CAMK2D: variants seen among roughly 807,000 people sequenced by gnomAD.
CAMK2D encodes the protein calcium/calmodulin dependent protein kinase II delta.
A neutral mutation model predicts 84.0 loss-of-function variants in CAMK2D; 37 were observed. That is an observed-to-expected ratio of 0.44 (90% confidence interval 0.34 to 0.58). The LOEUF (loss-of-function observed/expected upper bound fraction) is 0.58, where lower values mean the gene tolerates loss of function less well. Ranked by LOEUF, CAMK2D falls within the 20% of genes least tolerant of loss-of-function variation. The pLI is 0.02. For synonymous variants in CAMK2D, 202 were observed against 212.5 expected, an observed-to-expected ratio of 0.95 and a Z score of 0.43; for missense variants, 448 against 652.5, an observed-to-expected ratio of 0.69 and a Z score of 3.41.
At chr4:113,639,070 T>G (rs1181488084) in intron 3 of CAMK2D, among the ~76,000 whole-genome samples, 1 of 148,154 alleles carries the variant, frequency 6.7e-6, no homozygotes, top group South Asian at 2.1e-4. Context: ...TAGCGAAACT[T>G]TGCCTCTACC....
chr4:113,614,648 G>A (rs908124771), intron 3 of CAMK2D, among the ~76,000 whole-genome samples: 13 of 152,130 alleles, frequency 8.5e-5, no homozygotes, highest in Admixed American at 6.6e-4. Context: ...CTCAGCTACA[G>A]TAGAGCACCC....
In CAMK2D at chr4:113,527,723, A is replaced by T. The variant is rs571292379; in HGVS notation, c.601+3493T>A. On this transcript the variant is annotated intron_variant, in intron 8 of 20. Transcript: ENST00000511664. The stretch of plus-strand genomic sequence containing the variant: ...ACACCAATAAAACTTATACATTATA[A>T]AAAAAGGTTTTAAATTTTCAAAAAA... Among the ~76,000 whole-genome samples the T allele has an allele frequency of 6.6e-5, 10 of 152,246 alleles. No homozygotes were observed. In the East Asian group the frequency reaches 1.7e-3, roughly 26 times the overall value.
At chr4:113,509,799 G>C in intron 12 of CAMK2D, 124 bp from the exon 13 acceptor site, 1 of 686,752 alleles carries the variant, frequency 1.5e-6, no homozygotes, top group Non-Finnish European at 2.6e-6. Context: ...CATATGGCAA[G>C]TTATCAAAGT....
intron 2 of CAMK2D, among the ~76,000 whole-genome samples, chr4:113,718,612 C>T (rs2099520844): frequency 1.3e-5 from 2 of 152,200 alleles, no homozygotes; most frequent in South Asian, 4.1e-4. Flanking sequence ...GTTAGTCCTG[C>T]AAAGGCACTC....
In CAMK2D at chr4:113,533,716, C is replaced by T. The variant is rs183349509; in HGVS notation, c.518-2417G>A. Among the ~76,000 whole-genome samples the T allele has an allele frequency of 2.0e-4, 31 of 151,384 alleles. No homozygotes were observed. In the East Asian group the frequency reaches 5.6e-3, roughly 27 times the overall value. On this transcript the variant is annotated intron_variant, in intron 7 of 20. Transcript: ENST00000511664. ...AGAAATGTATTGCAAATAACATGTC[C>T]AGTTCCATAAGAGAAACAGAATATA... is the stretch of plus-strand genomic sequence containing the variant.
At chr4:113,548,839 T>A in intron 5 of CAMK2D, 1 of 570,512 alleles carries the variant, frequency 1.8e-6, no homozygotes, top group East Asian at 3.2e-5. Context: ...CAAACAAAAA[T>A]TATATTTCTT....
intron 3 of CAMK2D, among the ~76,000 whole-genome samples, chr4:113,643,490 C>T (rs949120337): frequency 6.6e-6 from 1 of 152,198 alleles, no homozygotes; most frequent in African/African-American, 2.4e-5. Context: ...GCTAAGCCAG[C>T]TGTATCAATC....
intron 8 of CAMK2D, among the ~76,000 whole-genome samples, chr4:113,518,538 C>T (rs563600138): frequency 6.6e-5 from 10 of 152,250 alleles, no homozygotes; most frequent in South Asian, 2.1e-4. Context: ...CCACTTTTCA[C>T]GTATTTTATT....
chr4:113,484,973 C>T (rs1006163058), intron 16 of CAMK2D, among the ~76,000 whole-genome samples: 2 of 151,974 alleles, frequency 1.3e-5, no homozygotes, highest in Admixed American at 6.6e-5. Flanking sequence ...TAAATGCATA[C>T]GATATAATAT....
At chr4:113,547,774 T>A in intron 5 of CAMK2D, 58 bp from the exon 6 acceptor site, 1 of 1,129,852 alleles carries the variant, frequency 8.9e-7, no homozygotes, top group Non-Finnish European at 1.3e-6. Flanking sequence ...ACTGTCTGTA[T>A]ACCCTCAGAG....
At chr4:113,486,419 T>G (rs1036584431) in intron 16 of CAMK2D, among the ~76,000 whole-genome samples, 8 of 152,160 alleles carry the variant, frequency 5.3e-5, no homozygotes, top group Admixed American at 3.9e-4. Flanking sequence ...GCCACTGGGC[T>G]TGGGTGATTA....
intron 4 of CAMK2D, among the ~76,000 whole-genome samples, chr4:113,569,191 T>C (rs1375390418): frequency 1.3e-5 from 2 of 152,170 alleles, no homozygotes; most frequent in Non-Finnish European, 2.9e-5. Flanking sequence ...CCCATATTTT[T>C]ACTCTCTTGA....
chr4:113,466,064 C>T lies in CAMK2D; in HGVS notation c.1136-460G>A, dbSNP rs187733447. Among the ~76,000 whole-genome samples the T allele has an allele frequency of 2.8e-4, 42 of 151,806 alleles. 1 individual carries two copies. The East Asian group carries it at 7.6e-3, about 27-fold the overall frequency. Reference sequence around the variant, plus strand: ...GTCAGGAGTTCAAGACCAGCCTGACCCACACGGAGAAACTTCATCTCTACT... The same window carrying T: ...GTCAGGAGTTCAAGACCAGCCTGACTCACACGGAGAAACTTCATCTCTACT... On this transcript the variant is annotated intron_variant, in intron 16 of 20. Transcript: ENST00000511664.
At chr4:113,558,536 G>A (rs940456477) in intron 4 of CAMK2D, among the ~76,000 whole-genome samples, 1 of 148,376 alleles carries the variant, frequency 6.7e-6, no homozygotes, top group Non-Finnish European at 1.5e-5. Flanking sequence ...TAGGTTATAG[G>A]CAAATACAGT....
intron 2 of CAMK2D, among the ~76,000 whole-genome samples, chr4:113,749,730 T>C (rs956764248): frequency 3.9e-5 from 6 of 152,084 alleles, no homozygotes; most frequent in African/African-American, 1.4e-4. Flanking sequence ...ATACATGGTT[T>C]AAAAAAAGAG....
chr4:113,621,325 A>T (rs189822336), intron 3 of CAMK2D, among the ~76,000 whole-genome samples: 318 of 152,310 alleles, frequency 2.1e-3, no homozygotes, highest in Admixed American at 4.1e-3. Flanking sequence ...ACTGTAAAAA[A>T]TGAATAAAGA....
chr4:113,527,448 C>T (rs1193756179), intron 8 of CAMK2D, among the ~76,000 whole-genome samples: 2 of 151,954 alleles, frequency 1.3e-5, no homozygotes, highest in Admixed American at 1.3e-4. Flanking sequence ...AGACATAATG[C>T]TATCGTATAC....
chr4:113,465,404 A>C, intron 17 of CAMK2D, 125 bp downstream of exon 17: 1 of 633,580 alleles, frequency 1.6e-6, no homozygotes, highest in Non-Finnish European at 2.7e-6. Flanking sequence ...TTATGAAATA[A>C]AACTATTGTT....
At chr4:113,757,731 T>C (rs767456802) in intron 2 of CAMK2D, among the ~76,000 whole-genome samples, 1 of 152,154 alleles carries the variant, frequency 6.6e-6, no homozygotes, top group Non-Finnish European at 1.5e-5. Context: ...AAGGAAACAC[T>C]GGTGGAGTAG....
Sources: allele counts gnomAD v4.1 joint callset (sites outside exome capture counted in the v4.1 genomes callset), GRCh38; gene constraint gnomAD v4.1.1; transcripts MANE v1.5; gene names NCBI Gene and HGNC (gene_info 2026-07-23, HGNC 2026-07-21).